The following DMD variants were observed in gnomAD, a reference collection of about 807,000 sequenced individuals.
DMD encodes mutant dystrophin.
In DMD, 63 loss-of-function variants were observed where a neutral mutation model predicts 330.1. That is an observed-to-expected ratio of 0.19 (90% CI 0.16 to 0.24). The LOEUF is 0.24. DMD is among the 10% of genes least tolerant of loss of function. The pLI is 1.00. For synonymous variants in DMD, 1,223 were observed against 959.8 expected, an observed-to-expected ratio of 1.27 and a Z score of -5.07; for missense variants, 3,344 against 2,684.1, an observed-to-expected ratio of 1.25 and a Z score of -5.43.
chrX:32,783,688 T>A (rs1430492475), intron 7 of DMD, among the ~76,000 whole-genome samples: 1 of 110,673 alleles, frequency 9.0e-6, no homozygotes, highest in Non-Finnish European at 1.9e-5. Context: ...TTATAAGTAA[T>A]CTAGAGATAA....
At chrX:31,595,881 T>C (rs1315337650) in intron 55 of DMD, among the ~76,000 whole-genome samples, 2 of 110,670 alleles carry the variant, frequency 1.8e-5, no homozygotes, top group African/African-American at 6.6e-5. Flanking sequence ...ATTCCTTTCT[T>C]TTATTTAGTG....
In DMD at chrX:31,521,830, A is replaced by T. The variant is rs191239846; in HGVS notation, c.8218-14377T>A. Among the ~76,000 whole-genome samples the T allele has an allele frequency of 9.0e-5, 10 of 110,681 alleles. No individual in the cohort carries two copies. In the East Asian group the frequency reaches 2.9e-3, roughly 32 times the overall value. ...AGAAAATAAAAAGACTTGCTGAAAAACCTTTCTGCCTGGTTTTGTCAGAGT... is the reference window on the plus strand; with the variant it reads ...AGAAAATAAAAAGACTTGCTGAAAATCCTTTCTGCCTGGTTTTGTCAGAGT... On this transcript the variant is annotated intron_variant, in intron 55 of 78. Coordinates refer to ENST00000357033, the MANE Select transcript of DMD (RefSeq NM_004006.3).
At chrX:32,749,468 T>G (rs2070510488) in intron 7 of DMD, among the ~76,000 whole-genome samples, 1 of 112,325 alleles carries the variant, frequency 8.9e-6, no homozygotes, top group Admixed American at 9.4e-5. Flanking sequence ...TATCCAGAAT[T>G]TATATGGTCA....
chrX:31,384,356 C>A (rs1204155277), intron 60 of DMD, among the ~76,000 whole-genome samples: 2 of 106,720 alleles, frequency 1.9e-5, no homozygotes, highest in Admixed American at 1.0e-4. Flanking sequence ...ACTACTACTA[C>A]TACTACTTTA....
At position 31,965,151 on chromosome X, in the gene DMD, G is replaced by A. The variant is rs184001890; in HGVS notation, c.6614+3188C>T. On this transcript the variant is annotated intron_variant, in intron 45 of 78. Transcript: ENST00000357033. ...AAGGCCTGGCTCCCCAGAACCCCTC[G>A]ACTGGTATGTCTTCTCCTAGAATAC... Among the ~76,000 whole-genome samples the A allele has an allele frequency of 1.0e-3, 112 of 111,256 alleles. 1 individual carries two copies. The highest frequency in any genetic ancestry group is 3.5e-3 in the African/African-American group (108 of 30,656).
At chrX:33,305,217 C>G (rs28699980) in intron 1 of DMD, among the ~76,000 whole-genome samples, 9,084 of 104,355 alleles carry the variant, frequency 0.087, 493 homozygotes, top group East Asian at 0.29. Flanking sequence ...CACATATACA[C>G]CATGGAATAC....
chrX:33,095,094 C>T (rs1269454338), intron 1 of DMD, among the ~76,000 whole-genome samples: 4 of 112,132 alleles, frequency 3.6e-5, no homozygotes, highest in Non-Finnish European at 7.5e-5. Flanking sequence ...TGTGTGCATA[C>T]AAATATATCA....
chrX:32,408,802 A>T (rs2098129301), intron 30 of DMD, among the ~76,000 whole-genome samples: 1 of 111,661 alleles, frequency 9.0e-6, no homozygotes, highest in Non-Finnish European at 1.9e-5. Flanking sequence ...TTATAGAAAC[A>T]CATTTTTGTT....
At chrX:32,107,954 C>T (rs922048359) in intron 44 of DMD, among the ~76,000 whole-genome samples, 1 of 110,816 alleles carries the variant, frequency 9.0e-6, no homozygotes, top group East Asian at 2.9e-4. Flanking sequence ...GGGTTTGATG[C>T]CCCATAACTT....
chrX:32,690,188 T>TA (rs931589955), intron 9 of DMD, among the ~76,000 whole-genome samples: 18 of 111,053 alleles, frequency 1.6e-4, no homozygotes, highest in Non-Finnish European at 3.8e-5. Context: ...AGAACCAATT[T>TA]AAAAATCAGT....
At chrX:32,587,867 T>C (rs765977009) in intron 13 of DMD, among the ~76,000 whole-genome samples, 2 of 111,798 alleles carry the variant, frequency 1.8e-5, no homozygotes, top group Admixed American at 9.6e-5. Context: ...CTTTAGCTTC[T>C]CAACTACCCT....
At chrX:32,653,554 A>G (rs1289699664) in intron 9 of DMD, among the ~76,000 whole-genome samples, 1 of 111,940 alleles carries the variant, frequency 8.9e-6, no homozygotes, top group Non-Finnish European at 1.9e-5. Context: ...TGTTTTGGTT[A>G]CTGTAGCCTT....
intron 44 of DMD, among the ~76,000 whole-genome samples, chrX:32,045,142 C>T (rs2096054046): frequency 9.1e-6 from 1 of 110,357 alleles, no homozygotes; most frequent in African/African-American, 3.3e-5. Context: ...CCTGAGGCCT[C>T]CCCAGGAGCC....
intron 55 of DMD, among the ~76,000 whole-genome samples, chrX:31,606,149 C>T (rs996430507): frequency 1.8e-5 from 2 of 111,414 alleles, no homozygotes; most frequent in Non-Finnish European, 3.8e-5. Flanking sequence ...CTCCTTCCTG[C>T]GGCCTTGTGA....
intron 2 of DMD, among the ~76,000 whole-genome samples, chrX:33,010,570 G>A (rs2093683643): frequency 1.8e-5 from 2 of 110,299 alleles, no homozygotes; most frequent in Admixed American, 9.7e-5. Context: ...TATTCCAAAC[G>A]AAAATCCAAA....
rs2082262531 is a variant in DMD at position 31,679,545 on chromosome X, G to A, written c.7702C>T (p.Leu2568Phe). 8.3e-7 allele frequency: 1 copy of A among 1,211,215 alleles called. No homozygotes were observed. The highest frequency in any genetic ancestry group is 3.0e-5 in the East Asian group (1 of 33,825). Residue 2568 changes from leucine (L) to phenylalanine (F), a missense_variant, in exon 53 of 79, where the codon CTT (leucine) becomes TTT (phenylalanine). Transcript: ENST00000357033. ...TTCAACTGTTGCCTCCGGTTCTGAA[G>A]GTGTTCTTGTACTTCATCCCACTGA... ...QNQWDEVQEHLQNRRQQLNEM... is the reference protein window; with the variant it reads ...QNQWDEVQEHFQNRRQQLNEM...
At chrX:31,636,735 T>C (rs898292638) in intron 54 of DMD, among the ~76,000 whole-genome samples, 2 of 111,693 alleles carry the variant, frequency 1.8e-5, no homozygotes, top group African/African-American at 6.5e-5. Flanking sequence ...TTATGGGGTA[T>C]GTGTGTATAT....
chrX:31,152,913 G>A (rs1165235247), intron 74 of DMD, among the ~76,000 whole-genome samples: 5 of 111,828 alleles, frequency 4.5e-5, no homozygotes, highest in East Asian at 2.8e-4. Flanking sequence ...ATCGTGATTT[G>A]GAGACAAATT....
At chrX:31,570,435 A>C (rs991359338) in intron 55 of DMD, among the ~76,000 whole-genome samples, 1 of 111,144 alleles carries the variant, frequency 9.0e-6, no homozygotes, top group African/African-American at 3.3e-5. Context: ...ATCTGGAAGT[A>C]AGTTACCAAG....
Sources: gnomAD v4.1 joint callset for allele counts (sites outside exome capture counted in the v4.1 genomes callset) on GRCh38, gnomAD v4.1.1 for gene constraint, MANE v1.5 for transcripts, NCBI Gene and HGNC (gene_info 2026-07-23, HGNC 2026-07-21) for gene names.